Variants in EPB41L4B observed in about 807,000 individuals in gnomAD.
EPB41L4B encodes erythrocyte membrane protein band 4.1 like 4B, also known as band 4.1-like protein 4B.
A neutral mutation model predicts 112.5 loss-of-function variants in EPB41L4B; 30 were observed. That is an observed-to-expected ratio of 0.27 (90% CI 0.20 to 0.36). EPB41L4B has a LOEUF of 0.36. Ranked by LOEUF, EPB41L4B falls within the 10% of genes least tolerant of loss-of-function variation. EPB41L4B has a pLI of 1.00. For missense variants in EPB41L4B, 1,024 were observed against 1,133.3 expected (o/e 0.90, Z 1.38); for synonymous variants, 408 against 439.7 (o/e 0.93, Z 0.90).
At chr9:109,290,888 T>C (rs1334027865) in intron 1 of EPB41L4B, among the ~76,000 whole-genome samples, 1 of 151,904 alleles carries the variant, frequency 6.6e-6, no homozygotes, top group Non-Finnish European at 1.5e-5. Context: ...ATATCTGAAA[T>C]TACCAAATAA....
chr9:109,182,391 C>T (rs1458801235), intron 24 of EPB41L4B, among the ~76,000 whole-genome samples: 1 of 152,094 alleles, frequency 6.6e-6, no homozygotes, highest in Non-Finnish European at 1.5e-5. Flanking sequence ...CTGGTGGTTG[C>T]CAGCAGGTAG....
At chr9:109,203,770 GT>G (rs1832909580) in intron 18 of EPB41L4B, 40 bp from the exon 19 acceptor site, 2 of 1,524,772 alleles carry the variant, frequency 1.3e-6, no homozygotes, top group Admixed American at 1.7e-5. Flanking sequence ...AACTGAATAT[GT>G]TGGCATGCAA....
At chr9:109,274,128 C>G (rs1435143578) in intron 2 of EPB41L4B, among the ~76,000 whole-genome samples, 2 of 152,230 alleles carry the variant, frequency 1.3e-5, no homozygotes, top group African/African-American at 4.8e-5. Flanking sequence ...GCACATCTGA[C>G]AAGTCTTGAG....
At chr9:109,219,491 G>A (rs1833499865) in intron 15 of EPB41L4B, among the ~76,000 whole-genome samples, 1 of 152,132 alleles carries the variant, frequency 6.6e-6, no homozygotes, top group Admixed American at 6.5e-5. Context: ...CTCCTGAGTA[G>A]CTGGGACTAC....
intron 9 of EPB41L4B, 58 bp from the exon 10 acceptor site, chr9:109,255,901 A>T (rs149181726): frequency 6.8e-7 from 1 of 1,460,936 alleles, no homozygotes; most frequent in Non-Finnish European, 9.4e-7. Flanking sequence ...TCTACACATC[A>T]AATAGCAGTT....
At chr9:109,204,724 T>G (rs760617156) in intron 18 of EPB41L4B, among the ~76,000 whole-genome samples, 5 of 152,180 alleles carry the variant, frequency 3.3e-5, no homozygotes, top group Admixed American at 6.5e-5. Context: ...CTTGAACTCC[T>G]GGGCTCAAGC....
intron 1 of EPB41L4B, among the ~76,000 whole-genome samples, chr9:109,285,785 C>T (rs190830806): frequency 3.9e-4 from 60 of 152,282 alleles, no homozygotes; most frequent in African/African-American, 1.1e-3. Context: ...ACACCCCACC[C>T]GGGGCAACCC....
At chr9:109,243,703 T>G in intron 14 of EPB41L4B, 21 bp from the exon 15 acceptor site, 1 of 1,610,774 alleles carries the variant, frequency 6.2e-7, no homozygotes, top group East Asian at 2.2e-5. Flanking sequence ...AACACCAAAC[T>G]TGATTATTTG....
chr9:109,221,244 G>T (rs1833562893), intron 15 of EPB41L4B, among the ~76,000 whole-genome samples: 1 of 152,160 alleles, frequency 6.6e-6, no homozygotes, highest in Non-Finnish European at 1.5e-5. Context: ...GAGGGAGGGG[G>T]AGGAAGGAAG....
chr9:109,181,147 G>T lies in EPB41L4B; in HGVS notation c.2487+1582C>A, dbSNP rs562617888. 5.9e-5 allele frequency among the ~76,000 whole-genome samples: 9 copies of T among 152,204 alleles called. No individual in the cohort carries two copies. The East Asian group carries it at 1.7e-3, about 29-fold the overall frequency. On this transcript the variant is annotated intron_variant, in intron 24 of 25. Transcript: ENST00000374566. ...CCGCCTCAGCCTCCTGGGTAACTGG[G>T]ACTACAGGCAGCTAATTTATTATTA...
At chr9:109,251,249 G>A (rs186003873) in intron 13 of EPB41L4B, among the ~76,000 whole-genome samples, 7 of 152,282 alleles carry the variant, frequency 4.6e-5, no homozygotes, top group Non-Finnish European at 8.8e-5. Flanking sequence ...AAAGCACACA[G>A]CTACTCAAAC....
intron 16 of EPB41L4B, among the ~76,000 whole-genome samples, chr9:109,214,467 C>T (rs1187492374): frequency 6.6e-6 from 1 of 152,140 alleles, no homozygotes; most frequent in Non-Finnish European, 1.5e-5. Context: ...ATGACGGACA[C>T]ATGTGGAGAT....
At chr9:109,312,465 G>A (rs1837452073) in intron 1 of EPB41L4B, among the ~76,000 whole-genome samples, 1 of 152,042 alleles carries the variant, frequency 6.6e-6, no homozygotes, top group Non-Finnish European at 1.5e-5. Flanking sequence ...GGGGGCTCAG[G>A]GGTCGCCATC....
At position 109,257,288 on chromosome 9, in the gene EPB41L4B, G is replaced by A. The variant is rs148068127; in HGVS notation, c.753-808C>T. ...GAGGAGGCAGTGTTTGGGGAAGATG[G>A]GATGGGAGGGAGGAAAGGTTAACAT... is the stretch of plus-strand genomic sequence containing the variant. On this transcript the variant is annotated intron_variant, in intron 7 of 25. Transcript: ENST00000374566. 4.3e-3 allele frequency among the ~76,000 whole-genome samples: 652 copies of A among 152,290 alleles called. 1 individual carries two copies. Among genetic ancestry groups the A allele is most frequent in the Middle Eastern group, 6.8e-3 (2 of 294 alleles).
At chr9:109,244,877 T>C (rs576773336) in intron 14 of EPB41L4B, among the ~76,000 whole-genome samples, 1 of 152,260 alleles carries the variant, frequency 6.6e-6, no homozygotes, top group East Asian at 1.9e-4. Flanking sequence ...ATACTTTGCT[T>C]AGTAAGCAGT....
intron 2 of EPB41L4B, among the ~76,000 whole-genome samples, chr9:109,278,127 G>T (rs1835905235): frequency 6.6e-6 from 1 of 152,176 alleles, no homozygotes; most frequent in Admixed American, 6.5e-5. Context: ...AACCTCAAAG[G>T]AAGCGGAATT....
intron 2 of EPB41L4B, among the ~76,000 whole-genome samples, chr9:109,269,217 ATTCT>A (rs2119089310): frequency 6.6e-6 from 1 of 152,340 alleles, no homozygotes; most frequent in East Asian, 1.9e-4. Flanking sequence ...CAACCCCTTT[ATTCT>A]TTTGCCAGGA....
At chr9:109,315,998 G>C (rs1837620390) in intron 1 of EPB41L4B, among the ~76,000 whole-genome samples, 1 of 152,010 alleles carries the variant, frequency 6.6e-6, no homozygotes, top group Non-Finnish European at 1.5e-5. Context: ...GTAGAGGAAG[G>C]AGAGGTTTCT....
intron 1 of EPB41L4B, among the ~76,000 whole-genome samples, chr9:109,283,102 A>G (rs963649338): frequency 2.6e-5 from 4 of 152,250 alleles, no homozygotes; most frequent in African/African-American, 9.6e-5. Flanking sequence ...ATGAAAATGC[A>G]ACGTCTACAG....
Sources: gnomAD v4.1 joint callset for allele counts (sites outside exome capture counted in the v4.1 genomes callset) on GRCh38, gnomAD v4.1.1 for gene constraint, MANE v1.5 for transcripts, NCBI Gene and HGNC (gene_info 2026-07-23, HGNC 2026-07-21) for gene names.